The following NTM variants were observed in gnomAD, a reference collection of about 807,000 sequenced individuals.
NTM encodes IgLON family member 2.
In NTM, 13 loss-of-function variants were observed where a neutral mutation model predicts 42.1. That is an observed-to-expected ratio of 0.31 (90% CI 0.20 to 0.49). The LOEUF (loss-of-function observed/expected upper bound fraction) is 0.49, where lower values mean the gene tolerates loss of function less well. Ranked by LOEUF, NTM falls within the 20% of genes least tolerant of loss-of-function variation. NTM has a pLI of 0.99. For synonymous variants in NTM, 187 were observed against 179.2 expected (o/e 1.04, Z -0.35); for missense variants, 373 against 452.8 (o/e 0.82, Z 1.60).
intron 3 of NTM, among the ~76,000 whole-genome samples, chr11:132,177,973 C>T (rs2077051773): frequency 6.6e-6 from 1 of 152,216 alleles, no homozygotes; most frequent in Admixed American, 6.5e-5. Context: ...AATTTTATTT[C>T]TCCTCACTCA....
At chr11:131,397,222 T>G (rs1944663247) in intron 1 of NTM, among the ~76,000 whole-genome samples, 1 of 152,200 alleles carries the variant, frequency 6.6e-6, no homozygotes, top group Non-Finnish European at 1.5e-5. Context: ...ATAATCCATC[T>G]TCATGTTAGG....
intron 1 of NTM, among the ~76,000 whole-genome samples, chr11:131,476,416 C>T (rs990541659): frequency 5.3e-5 from 8 of 152,182 alleles, no homozygotes; most frequent in African/African-American, 7.2e-5. Flanking sequence ...GGTCTCCCTG[C>T]TCGTCTAGAC....
chr11:131,632,934 A>G (rs2063810877), intron 1 of NTM, among the ~76,000 whole-genome samples: 1 of 146,608 alleles, frequency 6.8e-6, no homozygotes, highest in Non-Finnish European at 1.5e-5. Flanking sequence ...CAGCCTCCCA[A>G]AGTGCTAGGA....
chr11:132,112,647 G>A (rs1390497591), intron 2 of NTM, among the ~76,000 whole-genome samples: 1 of 151,474 alleles, frequency 6.6e-6, no homozygotes, highest in East Asian at 2.0e-4. Flanking sequence ...ACGTCCCCCC[G>A]GGCTCTCAGA....
chr11:132,042,972 G>A (rs2077403863), intron 2 of NTM, among the ~76,000 whole-genome samples: 1 of 152,074 alleles, frequency 6.6e-6, no homozygotes, highest in Non-Finnish European at 1.5e-5. Context: ...CATTTTCTGA[G>A]CTTATTACTG....
intron 4 of NTM, among the ~76,000 whole-genome samples, chr11:132,251,840 G>T (rs2139388432): frequency 6.6e-6 from 1 of 152,328 alleles, no homozygotes; most frequent in East Asian, 1.9e-4. Context: ...GTCAAAGAGG[G>T]GAGGGCCAAA....
rs1011718055 is a variant in NTM, at chr11:132,003,992, G to A, written c.167+92344G>A. Among the ~76,000 whole-genome samples the A allele has an allele frequency of 2.0e-5, 3 of 152,180 alleles. No individual in the cohort carries two copies. The highest frequency in any genetic ancestry group is 7.2e-5 in the African/African-American group (3 of 41,442). ...AATCAACCATTAGCATAATGTATTAGCATATCTATAGCACAATTATATTTT... is the reference window on the plus strand; with the variant it reads ...AATCAACCATTAGCATAATGTATTAACATATCTATAGCACAATTATATTTT... On this transcript the variant is annotated intron_variant, in intron 2 of 8. Coordinates refer to ENST00000683400, the MANE Select transcript of NTM (RefSeq NM_001352005.2). The surrounding 1 kb of genome is among the most constrained non-coding windows in gnomAD (Gnocchi z 6.0).
chr11:131,619,198 G>T (rs1323105414), intron 1 of NTM, among the ~76,000 whole-genome samples: 2 of 152,212 alleles, frequency 1.3e-5, no homozygotes, highest in African/African-American at 4.8e-5. Context: ...GCTGGGCATT[G>T]AGTGGCAAAG....
chr11:132,137,877 G>T (rs1050969121), intron 2 of NTM, among the ~76,000 whole-genome samples: 3 of 152,190 alleles, frequency 2.0e-5, no homozygotes, highest in African/African-American at 7.2e-5. Flanking sequence ...GCCTGCACTG[G>T]GTGGTGGACT....
chr11:132,235,358 G>A (rs766993010), intron 4 of NTM, among the ~76,000 whole-genome samples: 10 of 152,042 alleles, frequency 6.6e-5, no homozygotes, highest in East Asian at 3.9e-4. Flanking sequence ...ATGTGTGTGA[G>A]CGTGTATGCA....
At chr11:131,795,658 G>A in intron 1 of NTM, 1 of 985,444 alleles carries the variant, frequency 1.0e-6, no homozygotes, top group South Asian at 4.7e-5. Context: ...TACAGTGCCA[G>A]TGCCCATAAG....
chr11:132,188,489 T>G (rs986064284), intron 3 of NTM, among the ~76,000 whole-genome samples: 1 of 152,090 alleles, frequency 6.6e-6, no homozygotes, highest in African/African-American at 2.4e-5. Context: ...AAAGGAAAAT[T>G]CCACTGCCTG....
chr11:132,075,511 T>A (rs940319187), intron 2 of NTM, among the ~76,000 whole-genome samples: 9 of 152,302 alleles, frequency 5.9e-5, no homozygotes, highest in African/African-American at 2.2e-4. Flanking sequence ...ACATTTTGTC[T>A]TTTATTGGTT....
intron 4 of NTM, among the ~76,000 whole-genome samples, chr11:132,237,489 C>A (rs944842616): frequency 6.6e-6 from 1 of 152,154 alleles, no homozygotes; most frequent in Non-Finnish European, 1.5e-5. Flanking sequence ...GGCCACTGAC[C>A]CCATCCAAAT....
At chr11:131,542,290 A>G (rs1373853683) in intron 1 of NTM, among the ~76,000 whole-genome samples, 1 of 152,200 alleles carries the variant, frequency 6.6e-6, no homozygotes, top group Non-Finnish European at 1.5e-5. Flanking sequence ...AGTGCCTAAC[A>G]GGTCACTAGC....
chr11:131,725,856 C>G (rs2078902772), intron 1 of NTM, among the ~76,000 whole-genome samples: 1 of 152,278 alleles, frequency 6.6e-6, no homozygotes, highest in South Asian at 2.1e-4. Context: ...TCAGAACCAC[C>G]TGGAGAGCTT....
chr11:132,301,431 T>C (rs1340627755), intron 4 of NTM, among the ~76,000 whole-genome samples: 1 of 152,190 alleles, frequency 6.6e-6, no homozygotes, highest in African/African-American at 2.4e-5. Context: ...AACAGCTTCT[T>C]TCCTTTCTGG....
intron 1 of NTM, among the ~76,000 whole-genome samples, chr11:131,819,176 A>T (rs778228331): frequency 7.2e-5 from 11 of 152,104 alleles, no homozygotes; most frequent in Non-Finnish European, 1.6e-4. Context: ...GGTGAAGAAG[A>T]CTGTAAGAGA....
chr11:131,385,335 G>A lies in NTM; in HGVS notation c.82+14447G>A, dbSNP rs182597456. ...TCCATAGGGTACACATATGGTTAAG[G>A]CAATTCTACCATAAAACCATGATGT... On this transcript the variant is annotated intron_variant, in intron 1 of 8. Coordinates refer to ENST00000683400, the MANE Select transcript of NTM (RefSeq NM_001352005.2). 15 of 152,262 alleles carry A rather than the reference G, an allele frequency of 9.9e-5. 1 individual carries two copies. Among genetic ancestry groups the A allele is most frequent in the Admixed American group, 7.8e-4 (12 of 15,292 alleles). The allele number at this position is 152,262 out of a possible 1,614,324, so 9.4% of individuals were successfully genotyped here.
Sources: gnomAD v4.1 joint callset for allele counts (sites outside exome capture counted in the v4.1 genomes callset) on GRCh38, gnomAD v4.1.1 for gene constraint, Gnocchi (gnomAD v3.1) non-coding constraint, MANE v1.5 for transcripts, NCBI Gene and HGNC (gene_info 2026-07-23, HGNC 2026-07-21) for gene names.